TLCD4: variants seen among roughly 807,000 people sequenced by gnomAD.
TLCD4 encodes TLC domain containing 4, also known as TLC domain-containing protein 4.
Under a neutral mutation model 24.2 loss-of-function variants are expected in TLCD4, and 7 were observed. The observed-to-expected ratio is 0.29, with a 90% CI of 0.16 to 0.54. The LOEUF is 0.54. TLCD4 is among the 20% of genes least tolerant of loss of function. The probability of loss-of-function intolerance (pLI) is 0.95; values close to 1 mark genes in which losing one functional copy is unlikely to be tolerated. For missense variants in TLCD4, 259 were observed against 313.9 expected (o/e 0.82, Z 1.32); for synonymous variants, 103 against 106.4 (o/e 0.97, Z 0.20).
At chr1:95,100,608 A>G in the TLCD4 span, among the ~76,000 whole-genome samples, 1 of 151,588 alleles carries the variant, frequency 6.6e-6, no homozygotes, top group South Asian at 2.1e-4. Context: ...AAGAAAAAGA[A>G]AATTCTACAT....
At position 95,173,887 on chromosome 1, in the gene TLCD4, G is replaced by A; in HGVS notation, c.471G>A (p.Gln157=). The A allele has an allele frequency of 6.2e-7, 1 of 1,614,100 alleles. No homozygotes were observed. The highest frequency in any genetic ancestry group is 8.5e-7 in the Non-Finnish European group (1 of 1,180,010). The change falls in exon 6 of 7, where the codon CAG becomes CAA. Residue 157 remains glutamine (Q), a splice_region_variant and synonymous_variant. Coordinates refer to ENST00000370203, the MANE Select transcript of TLCD4 (RefSeq NM_152487.3). ...AGCTTTCCAGCCCGTTTGTGAATCA[G>A]CGGTATGTTACTGATATCATTGATT... The part of the protein sequence containing the change: ...LAELSSPFVN[Q]RWFFEALKYP...
chr1:95,161,949 A>G (rs1392339466), intron 5 of TLCD4, among the ~76,000 whole-genome samples: 1 of 152,234 alleles, frequency 6.6e-6, no homozygotes, highest in East Asian at 1.9e-4. Flanking sequence ...GAATAGTGCG[A>G]TGTGGTGCTG....
intron 1 of TLCD4, among the ~76,000 whole-genome samples, chr1:95,125,222 A>G (rs1007427540): frequency 2.0e-5 from 3 of 152,112 alleles, no homozygotes; most frequent in African/African-American, 7.2e-5. Flanking sequence ...GACTTACTAC[A>G]CCTGAATTTA....
chr1:95,155,160 A>G (rs1677598725), intron 5 of TLCD4, among the ~76,000 whole-genome samples: 1 of 151,964 alleles, frequency 6.6e-6, no homozygotes, highest in Admixed American at 6.6e-5. Context: ...CCCCCACCTT[A>G]TAAACCTCTG....
At chr1:95,182,113 A>G (rs1030413898) in intron 6 of TLCD4, among the ~76,000 whole-genome samples, 1 of 152,192 alleles carries the variant, frequency 6.6e-6, no homozygotes, top group African/African-American at 2.4e-5. Flanking sequence ...GCAGATAACA[A>G]ATTTTCCAAT....
chr1:95,115,375 T>C (rs958399169), upstream of TLCD4, among the ~76,000 whole-genome samples: 14 of 152,144 alleles, frequency 9.2e-5, no homozygotes, highest in African/African-American at 3.1e-4. Context: ...CCCAAAGTGC[T>C]GGGATTACAG....
chr1:95,115,440 C>A (rs1383274689), upstream of TLCD4, among the ~76,000 whole-genome samples: 1 of 152,134 alleles, frequency 6.6e-6, no homozygotes, highest in East Asian at 1.9e-4. Context: ...GATTAAGCTA[C>A]CCTGAATTTT....
chr1:95,138,381 G>A (rs1398587819), intron 1 of TLCD4: 3 of 152,148 alleles, frequency 2.0e-5, no homozygotes, highest in African/African-American at 7.2e-5. Context: ...CTATCTCTGG[G>A]AGTCCTCCTG....
At chr1:95,182,624 A>G (rs1678685856) in intron 6 of TLCD4, among the ~76,000 whole-genome samples, 1 of 152,206 alleles carries the variant, frequency 6.6e-6, no homozygotes, top group South Asian at 2.1e-4. Context: ...TTTATTTACT[A>G]GCACTTTACA....
chr1:95,154,203 G>A (rs1677568441), intron 5 of TLCD4, among the ~76,000 whole-genome samples: 1 of 152,122 alleles, frequency 6.6e-6, no homozygotes, highest in Admixed American at 6.6e-5. Context: ...GACAATGGGG[G>A]AATTAACAAT....
the TLCD4 span, among the ~76,000 whole-genome samples, chr1:95,099,146 G>A: frequency 6.7e-6 from 1 of 149,748 alleles, no homozygotes; most frequent in African/African-American, 2.5e-5. Context: ...ATCACTATTT[G>A]GTCAGGCACG....
intron 1 of TLCD4, chr1:95,117,845 A>C (rs1676471208): frequency 6.6e-6 from 1 of 151,092 alleles, no homozygotes; most frequent in African/African-American, 2.4e-5. Context: ...CGGAAGGCTC[A>C]GCATCGTCCC....
chr1:95,116,454 T>C (rs1676432034), upstream of TLCD4, among the ~76,000 whole-genome samples: 1 of 152,258 alleles, frequency 6.6e-6, no homozygotes, highest in Non-Finnish European at 1.5e-5. Context: ...GTTAGCTCTA[T>C]TGACATTTCT....
upstream of TLCD4, among the ~76,000 whole-genome samples, chr1:95,114,303 T>G (rs538957538): frequency 3.9e-5 from 6 of 152,284 alleles, no homozygotes; most frequent in South Asian, 1.2e-3. Flanking sequence ...AAGTAGTGCT[T>G]GGGGTTATTC....
At chr1:95,113,214 C>A (rs565479899), upstream of TLCD4, among the ~76,000 whole-genome samples, 10 of 151,428 alleles carry the variant, frequency 6.6e-5, no homozygotes, top group Non-Finnish European at 1.5e-4. Flanking sequence ...AGCTACTTTT[C>A]GTATTTTTAG....
At chr1:95,180,911 A>G (rs1340692336) in intron 6 of TLCD4, among the ~76,000 whole-genome samples, 4 of 152,188 alleles carry the variant, frequency 2.6e-5, no homozygotes, top group Admixed American at 2.6e-4. Context: ...AAAATATAAA[A>G]TACAATTTTT....
intron 6 of TLCD4, 48 bp from the exon 7 acceptor site, chr1:95,191,502 C>A: frequency 6.5e-7 from 1 of 1,548,600 alleles, no homozygotes; most frequent in Non-Finnish European, 8.7e-7. Flanking sequence ...AATGGTTAAT[C>A]CTCAGAGATG....
intron 1 of TLCD4, among the ~76,000 whole-genome samples, chr1:95,135,805 C>T (rs764182087): frequency 5.0e-4 from 76 of 152,004 alleles, no homozygotes; most frequent in Non-Finnish European, 7.1e-4. Flanking sequence ...ATGTGATCTC[C>T]GCCTCCTGGG....
rs902869125 is a variant in TLCD4, at chr1:95,193,641, T to C, written c.*1773T>C. On this transcript the variant is annotated 3_prime_UTR_variant, in exon 7 of 7. Transcript: ENST00000370203. ...ATAGAGCCTGATAAGTTTTAGAACA[T>C]TTAAAGAAGATTGAAATCTCAGTCA... 2 of 152,104 alleles carry C rather than the reference T, an allele frequency of 1.3e-5. No homozygotes were observed. Among genetic ancestry groups the C allele is most frequent in the East Asian group, 3.9e-4 (2 of 5,194 alleles). The allele number at this position is 152,104 out of a possible 1,614,324, so 9.4% of individuals were successfully genotyped here. A position where few individuals can be genotyped will look rare whatever the true frequency, so the allele number is the denominator to read the frequency against.
Sources: gnomAD v4.1 joint callset for allele counts (sites outside exome capture counted in the v4.1 genomes callset) on GRCh38, gnomAD v4.1.1 for gene constraint, MANE v1.5 for transcripts, NCBI Gene and HGNC (gene_info 2026-07-23, HGNC 2026-07-21) for gene names.